Variants in CDC42BPG observed in about 807,000 individuals in gnomAD.
The protein encoded by CDC42BPG is CDC42 binding protein kinase gamma.
Under a neutral mutation model 192.2 loss-of-function variants are expected in CDC42BPG, and 157 were observed. The ratio of observed to expected loss-of-function variants is 0.82; its 90% confidence interval spans 0.72 to 0.93. CDC42BPG has a LOEUF of 0.93. Ranked by LOEUF, CDC42BPG falls within the 40% of genes least tolerant of loss-of-function variation. CDC42BPG has a pLI of 0.00. For missense variants in CDC42BPG, 1,992 were observed against 2,122.1 expected (o/e 0.94, Z 1.20); for synonymous variants, 981 against 918.5 (o/e 1.07, Z -1.23).
At position 64,827,263 on chromosome 11, in the gene CDC42BPG, GTC is replaced by G. The variant is rs1201284419; in HGVS notation, c.4271+13_4271+14del. On this transcript the variant is annotated intron_variant, in intron 33 of 36. Transcript: ENST00000342711. ...GGCCCCACCCAGCCTCAGCCCCCGC[GTC>G]GTGCACGCGCACCTGCGCTGCTGCT... 1.1e-5 allele frequency: 17 copies of G among 1,613,396 alleles called. No homozygotes were observed. The highest frequency in any genetic ancestry group is 1.4e-5 in the Non-Finnish European group (16 of 1,179,722).
chr11:64,832,998 G>C (rs1259235186), intron 24 of CDC42BPG, 39 bp from the exon 25 acceptor site: 2 of 1,497,620 alleles, frequency 1.3e-6, no homozygotes, highest in East Asian at 4.9e-5. Context: ...GGTGAGGCTG[G>C]GAGGGGACAG....
intron 9 of CDC42BPG, among the ~76,000 whole-genome samples, chr11:64,837,810 G>A (rs1357090508): frequency 2.0e-5 from 3 of 152,172 alleles, no homozygotes; most frequent in Non-Finnish European, 4.4e-5. Context: ...GGAGCAGTAG[G>A]GGCCTTCGAA....
In CDC42BPG at chr11:64,835,027, G is replaced by GCCCCCCC; in HGVS notation, c.2060+19_2060+20insGGGGGGG. The GCCCCCCC allele has an allele frequency of 1.9e-6, 1 of 526,708 alleles. No homozygotes were observed. 32.6% of individuals were successfully genotyped at this position (526,708 alleles called of 1,614,324 possible). ...CAGTCTCGCCTGCGTTCCCCACCCC[G>GCCCCCCC]ACCCACCCCTGGCACCCACCAGCTG... is the stretch of plus-strand genomic sequence containing the variant. On this transcript the variant is annotated intron_variant, in intron 17 of 36. Transcript: ENST00000342711.
intron 3 of CDC42BPG, among the ~76,000 whole-genome samples, chr11:64,841,194 T>C (rs1205980459): frequency 6.6e-6 from 1 of 151,820 alleles, no homozygotes; most frequent in Non-Finnish European, 1.5e-5. Context: ...GGTTCACGCC[T>C]GTAATCCCAG....
At chr11:64,829,340 T>G in intron 30 of CDC42BPG, 131 bp downstream of exon 30, 1 of 1,166,250 alleles carries the variant, frequency 8.6e-7, no homozygotes, top group Non-Finnish European at 1.2e-6. Flanking sequence ...GGACAGGGTG[T>G]TGTTGGGCTG....
chr11:64,844,167 A>G (rs1633463), intron 1 of CDC42BPG, among the ~76,000 whole-genome samples: 151,650 of 152,004 alleles, frequency 1, 75,649 homozygotes, highest in Non-Finnish European at 1. Context: ...ACAAGTTGGT[A>G]TGTGTGTGCA....
chr11:64,841,699 A>C lies in CDC42BPG; in HGVS notation c.287T>G (p.Ile96Ser). 1 of 1,613,766 alleles carries C rather than the reference A, an allele frequency of 6.2e-7. No individual in the cohort carries two copies. The highest frequency in any genetic ancestry group is 8.5e-7 in the Non-Finnish European group (1 of 1,179,988). The change falls in exon 3 of 37, where the codon ATT (isoleucine) becomes AGT (serine). Residue 96 changes from isoleucine (I) to serine (S), a missense_variant. Physicochemically the swap from Ile to Ser is moderately radical, Grantham distance 142. Transcript: ENST00000342711. ...CTTGTGCAGCATTTTCATGGCAAAA[A>C]TCTGCCCAGTGTCCCTCTGCCTCAC... ...TVVRQRDTGQ[I>S]FAMKMLHKWE...
intron 13 of CDC42BPG, 95 bp from the exon 14 acceptor site, chr11:64,835,946 G>A (rs1450178613): frequency 2.2e-6 from 3 of 1,333,708 alleles, no homozygotes; most frequent in African/African-American, 2.9e-5. Flanking sequence ...AGCCACAGTG[G>A]ACATGAGGAG....
In CDC42BPG at chr11:64,830,057, C is replaced by G. The variant is rs751661902; in HGVS notation, c.3381G>C (p.Val1127=). ...IHLRSNDIFQ[V]GECRRVQQLT... is the part of the protein sequence containing the mutation. Reference sequence around the variant, plus strand: ...GCTGCTGCACGCGCCGGCACTCCCCCACCTGGAAGATGTCTGCAGGGTTGG... The same window carrying G: ...GCTGCTGCACGCGCCGGCACTCCCCGACCTGGAAGATGTCTGCAGGGTTGG... The change falls in exon 30 of 37, where the codon GTG becomes GTC. Residue 1127 remains valine (V), a synonymous_variant. Coordinates refer to ENST00000342711, the MANE Select transcript of CDC42BPG (RefSeq NM_017525.3). The G allele has an allele frequency of 3.1e-6, 5 of 1,612,530 alleles. No homozygotes were observed. The African/African-American group carries it at 4.0e-5, about 13-fold the overall frequency.
In CDC42BPG at chr11:64,838,641, C is replaced by G. The variant is rs1369226563; in HGVS notation, c.1125+13G>C. The stretch of plus-strand genomic sequence containing the variant: ...AGGGCAGCTCCCCTCCTGCAGTGGC[C>G]TTTGCCACTCACTGGATGGTTGAGG... On this transcript the variant is annotated intron_variant, in intron 8 of 36. Coordinates refer to ENST00000342711, the MANE Select transcript of CDC42BPG (RefSeq NM_017525.3). The G allele has an allele frequency of 6.2e-7, 1 of 1,611,040 alleles. No individual in the cohort carries two copies. The highest frequency in any genetic ancestry group is 2.2e-5 in the East Asian group (1 of 44,854).
rs368615232 is a variant in CDC42BPG at position 64,834,935 on chromosome 11, A to G, written c.2089T>C (p.Tyr697His). The stretch of plus-strand genomic sequence containing the variant: ...ATCTTGGTGGCCAGGGCCTGCAGGT[A>G]GCCTCTTGAGACCTTCTCATCATTC... Reference protein sequence around the residue: ...WVNDEKVSRGYLQALATKMAE... With the variant: ...WVNDEKVSRGHLQALATKMAE... Residue 697 changes from tyrosine (Y) to histidine (H), a missense_variant, in exon 18 of 37, where the codon TAC (tyrosine) becomes CAC (histidine). Around this residue, in one of 2 missense-constraint regions of CDC42BPG, gnomAD observed 1,656 missense variants for 1,844.3 expected, o/e 0.90. Transcript: ENST00000342711. 2 of 1,614,006 alleles carry G rather than the reference A, an allele frequency of 1.2e-6. No individual in the cohort carries two copies. The highest frequency in any genetic ancestry group is 1.7e-6 in the Non-Finnish European group (2 of 1,180,026).
At chr11:64,840,940 AGAGTTG>A (rs899187178) in intron 3 of CDC42BPG, among the ~76,000 whole-genome samples, 3 of 148,952 alleles carry the variant, frequency 2.0e-5, no homozygotes, top group Non-Finnish European at 4.5e-5. Context: ...CTTGAGATCA[AGAGTTG>A]GAGACCAGCC....
At chr11:64,836,620 G>C in intron 11 of CDC42BPG, 90 bp from the exon 12 acceptor site, 1 of 1,328,752 alleles carries the variant, frequency 7.5e-7, no homozygotes, top group Admixed American at 1.8e-5. Context: ...TCCCACACGC[G>C]GGCTCAGAGA....
In CDC42BPG at chr11:64,827,726, A is replaced by G; in HGVS notation, c.4025T>C (p.Val1342Ala). Residue 1342 changes from valine to alanine, a missense_variant, in exon 31 of 37, where the codon GTG becomes GCG. Transcript: ENST00000342711. ...GGTCTGCACCCATTCTGCCCTCCTC[A>G]CGTCAAACACATCGATGGAGTTCTC... is the stretch of plus-strand genomic sequence containing the variant. ...FSENSIDVFD[V>A]RRAEWVQTVP... 6.2e-7 allele frequency: 1 copy of G among 1,613,224 alleles called. No individual in the cohort carries two copies. Among genetic ancestry groups the G allele is most frequent in the Non-Finnish European group, 8.5e-7 (1 of 1,179,598 alleles).
intron 20 of CDC42BPG, 106 bp downstream of exon 20, chr11:64,834,160 C>G: frequency 1.4e-6 from 2 of 1,395,362 alleles, no homozygotes; most frequent in Non-Finnish European, 2.0e-6. Flanking sequence ...AGTCCAGGAA[C>G]AGACTCCTGT....
At position 64,831,692 on chromosome 11, in the gene CDC42BPG, G is replaced by T; in HGVS notation, c.3117C>A (p.Pro1039=). The change falls in exon 28 of 37, where the codon CCC becomes CCA. Residue 1039 remains proline (P), a synonymous_variant. Coordinates refer to ENST00000342711, the MANE Select transcript of CDC42BPG (RefSeq NM_017525.3). ...CCAGCAGCAGCACAGTGCACGTGGT[G>T]GGCGGCACTGCCAGCTGGGAGGTTG... ...RVTTSQLAVP[P]TTCTVLLLAE... 6.2e-7 allele frequency: 1 copy of T among 1,604,548 alleles called. No individual in the cohort carries two copies.
intron 1 of CDC42BPG, among the ~76,000 whole-genome samples, chr11:64,842,565 A>G (rs1943326151): frequency 6.6e-6 from 1 of 152,186 alleles, no homozygotes; most frequent in African/African-American, 2.4e-5. Context: ...CCCTGGTGCT[A>G]GCACTAGCCC....
chr11:64,841,710 G>A lies in CDC42BPG; in HGVS notation c.276C>T (p.Asp92=), dbSNP rs112093535. ...FGEVTVVRQR[D]TGQIFAMKML... ...TTTTCATGGCAAAAATCTGCCCAGT[G>A]TCCCTCTGCCTCACCACGGTGACCT... The change falls in exon 3 of 37, where the codon GAC becomes GAT. Residue 92 remains aspartate, a synonymous_variant. Coordinates refer to ENST00000342711, the MANE Select transcript of CDC42BPG (RefSeq NM_017525.3). The A allele has an allele frequency of 1.9e-6, 3 of 1,613,876 alleles. No homozygotes were observed. Among genetic ancestry groups the A allele is most frequent in the Non-Finnish European group, 2.5e-6 (3 of 1,179,996 alleles).
chr11:64,831,463 G>A (rs1055827607), intron 28 of CDC42BPG, 42 bp downstream of exon 28: 8 of 1,552,908 alleles, frequency 5.2e-6, no homozygotes, highest in African/African-American at 2.7e-5. Flanking sequence ...CAGCACTCCC[G>A]CAGGCCTGAA....
Sources: gnomAD v4.1 joint callset for allele counts (sites outside exome capture counted in the v4.1 genomes callset) on GRCh38, gnomAD v4.1.1 for gene constraint, gnomAD v4.1.1 regional missense constraint, MANE v1.5 for transcripts, NCBI Gene and HGNC (gene_info 2026-07-23, HGNC 2026-07-21) for gene names.